SLC22A9: variants seen among roughly 807,000 people sequenced by gnomAD.
SLC22A9 encodes solute carrier family 22 member 9, also known as organic anion transporter 7.
A neutral mutation model predicts 50.1 loss-of-function variants in SLC22A9; 64 were observed. The observed-to-expected ratio is 1.28, with a 90% CI of 1.04 to 1.57. The LOEUF (loss-of-function observed/expected upper bound fraction) is 1.57, where lower values mean the gene tolerates loss of function less well. SLC22A9 is among the 40% of genes most tolerant of loss of function. SLC22A9 has a pLI of 0.00. For missense variants in SLC22A9, 757 were observed against 676.1 expected (o/e 1.12, Z -1.33); for synonymous variants, 261 against 242.5 (o/e 1.08, Z -0.71).
chr11:63,394,771 C>T (rs1459640298), intron 6 of SLC22A9, among the ~76,000 whole-genome samples: 1 of 152,088 alleles, frequency 6.6e-6, no homozygotes, highest in Admixed American at 6.6e-5. Flanking sequence ...GTGTCTAGTT[C>T]TCTAGCAAGG....
intron 6 of SLC22A9, among the ~76,000 whole-genome samples, chr11:63,396,478 G>A (rs938883522): frequency 1.3e-5 from 2 of 152,176 alleles, no homozygotes; most frequent in Admixed American, 6.5e-5. Flanking sequence ...CAGTGGGGGT[G>A]CGTGTTCAGG....
At chr11:63,383,630 CAG>C (rs1199021259) in intron 6 of SLC22A9, among the ~76,000 whole-genome samples, 1 of 151,954 alleles carries the variant, frequency 6.6e-6, no homozygotes, top group Non-Finnish European at 1.5e-5. Context: ...CATGAAGAAA[CAG>C]AGAAACATGA....
chr11:63,396,499 C>T (rs2014860031), intron 6 of SLC22A9, among the ~76,000 whole-genome samples: 1 of 152,136 alleles, frequency 6.6e-6, no homozygotes, highest in Admixed American at 6.5e-5. Flanking sequence ...GGTGGAGGAT[C>T]TCTCTTTTCT....
intron 6 of SLC22A9, among the ~76,000 whole-genome samples, chr11:63,385,106 GTTTT>G (rs149124193): frequency 1.3e-5 from 1 of 76,554 alleles, no homozygotes; most frequent in Non-Finnish European, 2.4e-5. Context: ...TGATGATACA[GTTTT>G]TTTTTTTTTT....
At chr11:63,374,995 T>A (rs1340522113) in intron 4 of SLC22A9, among the ~76,000 whole-genome samples, 1 of 152,228 alleles carries the variant, frequency 6.6e-6, no homozygotes, top group East Asian at 1.9e-4. Context: ...GTGAAAGACA[T>A]CTATTTGGAC....
At chr11:63,377,913 A>G (rs1035882846) in intron 5 of SLC22A9, among the ~76,000 whole-genome samples, 2 of 152,174 alleles carry the variant, frequency 1.3e-5, no homozygotes, top group African/African-American at 4.8e-5. Context: ...AGAGACTATT[A>G]CAAACGCCTC....
rs747717659 is a variant in SLC22A9, at chr11:63,374,080, CT to C, written c.830+22del. 1 of 1,591,272 alleles carries C rather than the reference CT, an allele frequency of 6.3e-7. No individual in the cohort carries two copies. Among genetic ancestry groups the C allele is most frequent in the Non-Finnish European group, 8.5e-7 (1 of 1,169,834 alleles). ...ACCTCAAGGTATGAGTTTGTTTCTT[CT>C]TTTGTCTTAATGAGATATTGGAATG... On this transcript the variant is annotated intron_variant, in intron 4 of 9. Transcript: ENST00000279178.
At chr11:63,398,381 C>T (rs564885022) in intron 6 of SLC22A9, among the ~76,000 whole-genome samples, 13 of 152,304 alleles carry the variant, frequency 8.5e-5, no homozygotes, top group African/African-American at 3.1e-4. Flanking sequence ...AGGCCCAGCA[C>T]AGCACCAGGG....
intron 6 of SLC22A9, among the ~76,000 whole-genome samples, chr11:63,393,619 G>T (rs1368913405): frequency 6.6e-6 from 1 of 152,096 alleles, no homozygotes; most frequent in Non-Finnish European, 1.5e-5. Flanking sequence ...GTTTTGCTGA[G>T]AGTTTTAATT....
chr11:63,391,059 CTTAAT>C (rs755384319), intron 6 of SLC22A9, among the ~76,000 whole-genome samples: 2 of 152,006 alleles, frequency 1.3e-5, no homozygotes, highest in Non-Finnish European at 2.9e-5. Flanking sequence ...AAACTTCCTT[CTTAAT>C]TTATTTATTG....
rs144151046 is a variant in SLC22A9, at chr11:63,408,727, G to T, written c.1449G>T (p.Leu483=). 719 of 1,613,962 alleles carry T rather than the reference G, an allele frequency of 4.5e-4. 2 individuals carry two copies. The Admixed American group carries it at 7.7e-3, about 17-fold the overall frequency. The change falls in exon 9 of 10, where the codon CTG becomes CTT. Residue 483 remains leucine, a synonymous_variant. Coordinates refer to ENST00000279178, the MANE Select transcript of SLC22A9 (RefSeq NM_080866.3). ...CCTTTGCTAATATAGCAGGAGCCCT[G>T]GCTCCCCTCATGATGATCCTAAGTG... ...NATFANIAGA[L]APLMMILSVY...
intron 6 of SLC22A9, among the ~76,000 whole-genome samples, chr11:63,398,830 G>T (rs1326934805): frequency 1.3e-5 from 2 of 152,146 alleles, no homozygotes; most frequent in East Asian, 3.8e-4. Flanking sequence ...GCTGCCTTTT[G>T]TGTGTCGATA....
chr11:63,403,374 ATACCATCCC>A (rs1373553827), intron 6 of SLC22A9, among the ~76,000 whole-genome samples: 4 of 152,094 alleles, frequency 2.6e-5, no homozygotes, highest in Non-Finnish European at 5.9e-5. Flanking sequence ...TGTATCTTGC[ATACCATCCC>A]TCAATAATGA....
chr11:63,374,369 G>A (rs967276898), intron 4 of SLC22A9, among the ~76,000 whole-genome samples: 4 of 152,082 alleles, frequency 2.6e-5, no homozygotes, highest in African/African-American at 9.7e-5. Context: ...TCACCTGAGA[G>A]TTCTTTTATT....
chr11:63,386,001 A>G (rs1039005739), intron 6 of SLC22A9, among the ~76,000 whole-genome samples: 7 of 152,146 alleles, frequency 4.6e-5, no homozygotes, highest in Non-Finnish European at 1.0e-4. Context: ...TTTTAACATG[A>G]AGGATGTTGA....
intron 6 of SLC22A9, among the ~76,000 whole-genome samples, chr11:63,399,162 C>G (rs1324363161): frequency 1.3e-5 from 2 of 151,894 alleles, no homozygotes; most frequent in Non-Finnish European, 2.9e-5. Flanking sequence ...ACAAAGTAAC[C>G]ACAAAACAAA....
At chr11:63,406,385 C>T in intron 6 of SLC22A9, 112 bp from the exon 7 acceptor site, 1 of 870,610 alleles carries the variant, frequency 1.1e-6, no homozygotes, top group Non-Finnish European at 1.8e-6. Context: ...ATGAAATAGA[C>T]CCAGCCTTTA....
rs775874621 is a variant in SLC22A9 at position 63,406,638 on chromosome 11, C to T, written c.1215C>T (p.Asn405=). The change falls in exon 7 of 10, where the codon AAC becomes AAT. Residue 405 remains asparagine, a synonymous_variant. Coordinates refer to ENST00000279178, the MANE Select transcript of SLC22A9 (RefSeq NM_080866.3). ...CVAPWALKYM[N]RRASQMLLMF... ...CACCTTGGGCACTGAAATACATGAA[C>T]CGTCGAGCAAGCCAGATGCTTCTCA... is the stretch of plus-strand genomic sequence containing the variant. 4 of 1,613,802 alleles carry T rather than the reference C, an allele frequency of 2.5e-6. No individual in the cohort carries two copies. Among genetic ancestry groups the T allele is most frequent in the African/African-American group, 1.3e-5 (1 of 75,024 alleles).
intron 6 of SLC22A9, among the ~76,000 whole-genome samples, chr11:63,389,549 T>G (rs936223787): frequency 6.6e-6 from 1 of 152,238 alleles, no homozygotes; most frequent in South Asian, 2.1e-4. Context: ...CCATGGTGTA[T>G]GTGTGCCACA....
Sources: allele counts gnomAD v4.1 joint callset (sites outside exome capture counted in the v4.1 genomes callset), GRCh38; gene constraint gnomAD v4.1.1; transcripts MANE v1.5; gene names NCBI Gene and HGNC (gene_info 2026-07-23, HGNC 2026-07-21).